The following THSD4 variants were observed in gnomAD, a reference collection of about 807,000 sequenced individuals.
THSD4 encodes the protein thrombospondin type 1 domain containing 4, also known as thrombospondin type-1 domain-containing protein 4.
THSD4 carries 69 observed loss-of-function variants against 119.0 expected under a neutral mutation model. That is an observed-to-expected ratio of 0.58 (90% CI 0.48 to 0.71). THSD4 has a LOEUF of 0.71. THSD4 is among the 30% of genes least tolerant of loss of function. THSD4 has a pLI of 0.00. For synonymous variants in THSD4, 524 were observed against 540.4 expected (o/e 0.97, Z 0.42); for missense variants, 1,393 against 1,391.1 (o/e 1.00, Z -0.02).
intron 6 of THSD4, among the ~76,000 whole-genome samples, chr15:71,295,267 T>G (rs981701941): frequency 6.6e-6 from 1 of 152,128 alleles, no homozygotes; most frequent in African/African-American, 2.4e-5. Context: ...GGAAGTGAAG[T>G]GACTGGCCCA....
intron 7 of THSD4, among the ~76,000 whole-genome samples, chr15:71,623,488 G>A (rs2050454679): frequency 6.6e-6 from 1 of 152,202 alleles, no homozygotes; most frequent in South Asian, 2.1e-4. Context: ...CTGAGCCCAT[G>A]CTATAAAAGA....
intron 6 of THSD4, among the ~76,000 whole-genome samples, chr15:71,295,284 C>T (rs752736723): frequency 2.0e-5 from 3 of 152,132 alleles, no homozygotes; most frequent in East Asian, 1.9e-4. Context: ...CCCAGGATCA[C>T]GATGAACTCT....
At chr15:71,427,769 AC>A (rs2046892751) in intron 7 of THSD4, among the ~76,000 whole-genome samples, 1 of 151,340 alleles carries the variant, frequency 6.6e-6, no homozygotes, top group Non-Finnish European at 1.5e-5. Context: ...GTAATGGGAA[AC>A]CCTCCATTAA....
intron 2 of THSD4, among the ~76,000 whole-genome samples, chr15:71,145,848 G>C (rs1046897764): frequency 6.6e-6 from 1 of 151,988 alleles, no homozygotes; most frequent in African/African-American, 2.4e-5. Flanking sequence ...GTGGAGGAAG[G>C]AGAGGGAAGG....
At chr15:71,463,542 A>G (rs189462573) in intron 7 of THSD4, among the ~76,000 whole-genome samples, 1 of 152,336 alleles carries the variant, frequency 6.6e-6, no homozygotes. Flanking sequence ...TACAGTTGTC[A>G]GTTCTAGGAA....
intron 3 of THSD4, among the ~76,000 whole-genome samples, chr15:71,167,564 T>G (rs2043305671): frequency 6.6e-6 from 1 of 152,208 alleles, no homozygotes; most frequent in Non-Finnish European, 1.5e-5. Flanking sequence ...AAGTATTTTT[T>G]TCATCAAGGC....
At chr15:71,457,594 T>C (rs991441524) in intron 7 of THSD4, among the ~76,000 whole-genome samples, 2 of 152,140 alleles carry the variant, frequency 1.3e-5, no homozygotes, top group African/African-American at 2.4e-5. Flanking sequence ...GCCTTGTTCT[T>C]GGTCTTGCCA....
In THSD4 at chr15:71,345,016, G is replaced by A. The variant is rs538119196; in HGVS notation, c.1016-66671G>A. On this transcript the variant is annotated intron_variant, in intron 6 of 17. Transcript: ENST00000261862. ...AAGCAGTGTGTGGGTTAGAGGGGGC[G>A]AAAGAGTCACAGAGAAAATCGGGAG... Among the ~76,000 whole-genome samples the A allele has an allele frequency of 8.5e-5, 13 of 152,188 alleles. No individual in the cohort carries two copies. The East Asian group carries it at 1.9e-3, about 23-fold the overall frequency.
At chr15:71,617,857 T>C (rs2140921974) in intron 7 of THSD4, among the ~76,000 whole-genome samples, 1 of 152,364 alleles carries the variant, frequency 6.6e-6, no homozygotes, top group South Asian at 2.1e-4. Context: ...AGCAAGGTTA[T>C]GTAAAACAAA....
In THSD4 at chr15:71,557,987, C is replaced by T. The variant is rs144078967; in HGVS notation, c.1153-102543C>T. Among the ~76,000 whole-genome samples, 939 of 152,142 alleles carry T rather than the reference C, an allele frequency of 6.2e-3. 3 individuals carry two copies. The highest frequency in any genetic ancestry group is 0.022 in the African/African-American group (893 of 41,510). On this transcript the variant is annotated intron_variant, in intron 7 of 17. Transcript: ENST00000261862. The stretch of plus-strand genomic sequence containing the variant: ...ATTCCATTCAATTCTGCTCTTTCCG[C>T]GGGTTTATTTATGTCATCATTTTTT...
At chr15:71,575,008 C>T (rs1305533631) in intron 7 of THSD4, among the ~76,000 whole-genome samples, 2 of 152,038 alleles carry the variant, frequency 1.3e-5, no homozygotes, top group African/African-American at 4.8e-5. Context: ...ATGCATCAGC[C>T]GTATATAGAG....
intron 3 of THSD4, among the ~76,000 whole-genome samples, chr15:71,199,891 GTA>G (rs1337434639): frequency 2.3e-4 from 13 of 56,694 alleles, no homozygotes; most frequent in Non-Finnish European, 4.6e-4. Context: ...TGCATGTGTG[GTA>G]TGTGTGTGTG....
At chr15:71,291,099 C>T (rs1380910419) in intron 6 of THSD4, among the ~76,000 whole-genome samples, 1 of 152,084 alleles carries the variant, frequency 6.6e-6, no homozygotes, top group African/African-American at 2.4e-5. Context: ...GGATTGAGCA[C>T]TCCTATATCA....
In THSD4 at chr15:71,638,841, C is replaced by T. The variant is rs35646836; in HGVS notation, c.1153-21689C>T. 5.9e-3 allele frequency among the ~76,000 whole-genome samples: 894 copies of T among 152,288 alleles called. 5 individuals carry two copies. Among genetic ancestry groups the T allele is most frequent in the South Asian group, 0.01 (50 of 4,828 alleles). ...TACTGTAATGACAAAATATCAGTGG[C>T]TTAATACAATGGTTTTTCTCTCATA... On this transcript the variant is annotated intron_variant, in intron 7 of 17. Transcript: ENST00000261862.
rs569164429 is a variant in THSD4 at position 71,566,900 on chromosome 15, C to A, written c.1153-93630C>A. ...AAAACACATCAGCAGAGAGTACTGTCATTTTTTTTTTTCCCTAAACACTTA... is the reference window on the plus strand; with the variant it reads ...AAAACACATCAGCAGAGAGTACTGTAATTTTTTTTTTTCCCTAAACACTTA... On this transcript the variant is annotated intron_variant, in intron 7 of 17. Coordinates refer to ENST00000261862, the MANE Select transcript of THSD4 (RefSeq NM_024817.3). Among the ~76,000 whole-genome samples, 174 of 150,168 alleles carry A rather than the reference C, an allele frequency of 1.2e-3. 1 individual carries two copies. The highest frequency in any genetic ancestry group is 4.0e-3 in the African/African-American group (161 of 40,702).
intron 8 of THSD4, among the ~76,000 whole-genome samples, chr15:71,682,082 T>G (rs1408320629): frequency 6.6e-6 from 1 of 152,176 alleles, no homozygotes; most frequent in African/African-American, 2.4e-5. Context: ...CTGGAAAGGA[T>G]GAAGACATAG....
chr15:71,256,331 C>G (rs931621832), intron 5 of THSD4, among the ~76,000 whole-genome samples: 2 of 151,822 alleles, frequency 1.3e-5, no homozygotes, highest in Non-Finnish European at 2.9e-5. Context: ...AAAAATTAGC[C>G]AGGTGTGGTG....
intron 6 of THSD4, among the ~76,000 whole-genome samples, chr15:71,293,089 T>C (rs568185209): frequency 4.6e-5 from 7 of 152,340 alleles, no homozygotes; most frequent in Non-Finnish European, 1.0e-4. Flanking sequence ...TTTCCCCAGA[T>C]GGCTGTCAGC....
At chr15:71,298,634 G>A (rs4777361) in intron 6 of THSD4, among the ~76,000 whole-genome samples, 129,446 of 132,458 alleles carry the variant, frequency 0.98, 63,323 homozygotes, top group East Asian at 1. Context: ...TTTTTTTGAG[G>A]CAGAGTCTTG....
Sources: gnomAD v4.1 joint callset for allele counts (sites outside exome capture counted in the v4.1 genomes callset) on GRCh38, gnomAD v4.1.1 for gene constraint, MANE v1.5 for transcripts, NCBI Gene and HGNC (gene_info 2026-07-23, HGNC 2026-07-21) for gene names.